The following AKAP17A variants were observed in gnomAD, a reference collection of about 807,000 sequenced individuals.
The protein encoded by AKAP17A is A-kinase anchoring protein 17A.
A neutral mutation model predicts 52.2 loss-of-function variants in AKAP17A; 15 were observed. That is an observed-to-expected ratio of 0.29 (90% CI 0.19 to 0.44). The LOEUF is 0.44. Among genes scored for constraint, AKAP17A ranks in the 20% least tolerant of loss-of-function variants. The probability of loss-of-function intolerance (pLI) is 1.00; values close to 1 mark genes in which losing one functional copy is unlikely to be tolerated. For missense variants in AKAP17A, 1,060 were observed against 1,007.0 expected (o/e 1.05, Z -0.71); for synonymous variants, 514 against 424.7 (o/e 1.21, Z -2.58).
Position 1,602,501 on chromosome X carries a change from C to T in AKAP17A, c.*907C>T, listed in dbSNP as rs1290959109. On this transcript the variant is annotated 3_prime_UTR_variant, in exon 5 of 5. Transcript: ENST00000313871. Reference sequence around the variant, plus strand: ...TTGCATTTTTATGGTGAAATAAAATCCTTTTCCAATGAACTAAAATTTTTC... The same window carrying T: ...TTGCATTTTTATGGTGAAATAAAATTCTTTTCCAATGAACTAAAATTTTTC... The T allele has an allele frequency of 6.6e-6, 1 of 152,142 alleles. No individual in the cohort carries two copies. The highest frequency in any genetic ancestry group is 1.5e-5 in the Non-Finnish European group (1 of 68,032). 9.4% of individuals were successfully genotyped at this position (152,142 alleles called of 1,614,324 possible). A position where few individuals can be genotyped will look rare whatever the true frequency, so the allele number is the denominator to read the frequency against.
At chrX:1,600,597 T>C in intron 4 of AKAP17A, 62 bp from the exon 5 acceptor site, 1 of 1,436,692 alleles carries the variant, frequency 7.0e-7, no homozygotes, top group Non-Finnish European at 9.3e-7. Flanking sequence ...TCCCAGCTCC[T>C]GTCCCACGTG....
Position 1,601,877 on chromosome X carries a change from T to C in AKAP17A, c.*283T>C, listed in dbSNP as rs867331338. On this transcript the variant is annotated 3_prime_UTR_variant, in exon 5 of 5. Coordinates refer to ENST00000313871, the MANE Select transcript of AKAP17A (RefSeq NM_005088.3). Reference sequence around the variant, plus strand: ...GCCGGTCCTCTCTCAGTCAGGAAAATTGCACAGACCGACAGTCGTGAGGAT... The same window carrying C: ...GCCGGTCCTCTCTCAGTCAGGAAAACTGCACAGACCGACAGTCGTGAGGAT... 2.4e-5 allele frequency: 9 copies of C among 371,252 alleles called. No individual in the cohort carries two copies. Among genetic ancestry groups the C allele is most frequent in the Middle Eastern group, 6.6e-4 (1 of 1,510 alleles). The allele number at this position is 371,252 out of a possible 1,614,324, so 23.0% of individuals were successfully genotyped here.
At position 1,594,076 on chromosome X, in the gene AKAP17A, A is replaced by G. The variant is rs1932892230; in HGVS notation, c.614A>G (p.His205Arg). ...GAGGAGATGACGGGCCGCAACTTCC[A>G]CACCTTCAGTTTCGGGGGGCACTTG... ...YREEMTGRNF[H>R]TFSFGGHLNF... Residue 205 changes from histidine to arginine, a missense_variant, in exon 2 of 5, where the codon CAC becomes CGC. Around this residue, in one of 2 missense-constraint regions of AKAP17A, gnomAD observed 267 missense variants for 377.1 expected, o/e 0.71. Coordinates refer to ENST00000313871, the MANE Select transcript of AKAP17A (RefSeq NM_005088.3). 6.2e-7 allele frequency: 1 copy of G among 1,613,380 alleles called. No homozygotes were observed. Among genetic ancestry groups the G allele is most frequent in the African/African-American group, 1.3e-5 (1 of 74,886 alleles).
chrX:1,595,490 G>T lies in AKAP17A; in HGVS notation c.869G>T (p.Arg290Leu). 2.5e-6 allele frequency: 4 copies of T among 1,614,018 alleles called. No homozygotes were observed. The highest frequency in any genetic ancestry group is 3.4e-6 in the Non-Finnish European group (4 of 1,179,876). ...ELEQQREEQK[R>L]REKEAEERQR... ...GAGCAGCAAAGAGAAGAACAAAAGC[G>T]CAGAGAGAAGGAAGCGGAGGAGAGG... The change falls in exon 3 of 5, where the codon CGC becomes CTC. Residue 290 changes from arginine (R) to leucine (L), a missense_variant. Arg to Leu is a moderately radical substitution (Grantham distance 102). Around this residue, in one of 2 missense-constraint regions of AKAP17A, gnomAD observed 793 missense variants for 629.9 expected, o/e 1.26. Transcript: ENST00000313871.
rs760363741 is a variant in AKAP17A, at chrX:1,601,389, C to T, written c.1883C>T (p.Ala628Val). 89 of 1,568,314 alleles carry T rather than the reference C, an allele frequency of 5.7e-5. No individual in the cohort carries two copies. The South Asian group carries it at 9.0e-4, about 16-fold the overall frequency. The change falls in exon 5 of 5, where the codon GCC (alanine) becomes GTC (valine). Residue 628 changes from alanine to valine, a missense_variant. By Grantham distance (64) the Ala-to-Val change is moderately conservative (BLOSUM62 0). Coordinates refer to ENST00000313871, the MANE Select transcript of AKAP17A (RefSeq NM_005088.3). ...GAGCGGCGGCCCCACAAGAAGCACG[C>T]CTACAAGGATGACAGCCCCCGCCGG... ...RKERRPHKKH[A>V]YKDDSPRRRS... is the part of the protein sequence containing the mutation.
chrX:1,595,595 C>G, intron 3 of AKAP17A, 63 bp downstream of exon 3: 2 of 1,601,916 alleles, frequency 1.2e-6, no homozygotes, highest in Non-Finnish European at 1.7e-6. Context: ...TGCGCAGACC[C>G]GTGTGCGTGT....
At chrX:1,600,637 T>A in intron 4 of AKAP17A, 22 bp from the exon 5 acceptor site, 3 of 1,517,000 alleles carry the variant, frequency 2.0e-6, no homozygotes, top group Non-Finnish European at 2.7e-6. Context: ...CGGGCTCAGC[T>A]GCACTTTCCT....
At chrX:1,593,391 T>C in intron 1 of AKAP17A, 53 bp from the exon 2 acceptor site, 1 of 1,539,496 alleles carries the variant, frequency 6.5e-7, no homozygotes, top group Non-Finnish European at 8.8e-7. Context: ...CCCTCCTCAT[T>C]GGCGGGGGAG....
chrX:1,598,571 G>C (rs1933153733), intron 3 of AKAP17A, among the ~76,000 whole-genome samples: 1 of 152,136 alleles, frequency 6.6e-6, no homozygotes, highest in Non-Finnish European at 1.5e-5. Context: ...GCTGAGCTAG[G>C]GAACTCCCCA....
intron 3 of AKAP17A, among the ~76,000 whole-genome samples, chrX:1,598,873 C>T (rs1298695070): frequency 2.0e-5 from 3 of 152,196 alleles, no homozygotes; most frequent in Non-Finnish European, 2.9e-5. Flanking sequence ...TTCACCCGTC[C>T]GTCTGCCCAT....
intron 3 of AKAP17A, among the ~76,000 whole-genome samples, chrX:1,597,609 G>C (rs1221170468): frequency 1.3e-5 from 2 of 151,934 alleles, no homozygotes; most frequent in East Asian, 3.9e-4. Context: ...GAATGTGCCT[G>C]TCCACATTCT....
chrX:1,593,758 A>G lies in AKAP17A; in HGVS notation c.296A>G (p.Lys99Arg), dbSNP rs761989270. 2.5e-6 allele frequency: 4 copies of G among 1,613,824 alleles called. No homozygotes were observed. The highest frequency in any genetic ancestry group is 1.7e-6 in the Non-Finnish European group (2 of 1,179,882). ...TCTTTTCTGGCCTGCCTGGACGGCA[A>G]GACCATCAAGCTCAGCGGCTTCTCC... The part of the protein sequence containing the change: ...VKSFLACLDG[K>R]TIKLSGFSDI... The change falls in exon 2 of 5, where the codon AAG becomes AGG. Residue 99 changes from lysine (K) to arginine (R), a missense_variant. Around this residue, in one of 2 missense-constraint regions of AKAP17A, gnomAD observed 267 missense variants for 377.1 expected, o/e 0.71. Transcript: ENST00000313871.
At chrX:1,599,932 C>T (rs1327032895) in intron 4 of AKAP17A, 7 of 502,482 alleles carry the variant, frequency 1.4e-5, no homozygotes, top group East Asian at 7.6e-5. Flanking sequence ...TCACCAGCGC[C>T]GGTACTGACG....
chrX:1,599,274 C>G lies in AKAP17A; in HGVS notation c.994C>G (p.Arg332Gly). ...CAAGAGGGAGCAGAAGCAGAGGGAC[C>G]GTGAGCTGCGCCGGAATCAGAAGAA... ...LRKREQKQRD[R>G]ELRRNQKKLE... is the part of the protein sequence containing the mutation. The change falls in exon 4 of 5, where the codon CGT (arginine) becomes GGT (glycine). Residue 332 changes from arginine (R) to glycine (G), a missense_variant. By Grantham distance (125) the Arg-to-Gly change is moderately radical (BLOSUM62 -2). This residue lies in a region of AKAP17A where 793 missense variants were observed against 629.9 expected (regional missense o/e 1.26). Transcript: ENST00000313871. 1.2e-6 allele frequency: 2 copies of G among 1,612,194 alleles called. No homozygotes were observed. The highest frequency in any genetic ancestry group is 1.7e-6 in the Non-Finnish European group (2 of 1,179,624).
chrX:1,601,907 G>A lies in AKAP17A; in HGVS notation c.*313G>A. ...CAGACCGACAGTCGTGAGGATGGCA[G>A]AGCTGCTGCATTCCCCCACACGGGG... On this transcript the variant is annotated 3_prime_UTR_variant, in exon 5 of 5. Coordinates refer to ENST00000313871, the MANE Select transcript of AKAP17A (RefSeq NM_005088.3). The A allele has an allele frequency of 3.0e-6, 1 of 334,690 alleles. No homozygotes were observed. 20.7% of individuals were successfully genotyped at this position (334,690 alleles called of 1,614,324 possible).
In AKAP17A at chrX:1,600,755, G is replaced by C. The variant is rs751413586; in HGVS notation, c.1249G>C (p.Val417Leu). The C allele has an allele frequency of 1.9e-6, 3 of 1,559,764 alleles. No individual in the cohort carries two copies. The highest frequency in any genetic ancestry group is 2.6e-6 in the Non-Finnish European group (3 of 1,156,798). ...RRLQEAELRR[V>L]EEEKERALGL... The stretch of plus-strand genomic sequence containing the variant: ...GCTGCAGGAGGCCGAGCTGCGGCGC[G>C]TGGAGGAGGAGAAGGAGCGCGCGCT... Residue 417 changes from valine to leucine, a missense_variant, in exon 5 of 5, where the codon GTG becomes CTG. Val to Leu is a conservative substitution (Grantham distance 32, BLOSUM62 1). Coordinates refer to ENST00000313871, the MANE Select transcript of AKAP17A (RefSeq NM_005088.3).
chrX:1,597,079 C>T (rs1418342046), intron 3 of AKAP17A, among the ~76,000 whole-genome samples: 6 of 152,182 alleles, frequency 3.9e-5, no homozygotes, highest in African/African-American at 1.4e-4. Context: ...CTGGTGGGAC[C>T]GAGTTGGTCC....
chrX:1,602,089 T>C lies in AKAP17A; in HGVS notation c.*495T>C, dbSNP rs1933419953. 1 of 156,290 alleles carries C rather than the reference T, an allele frequency of 6.4e-6. No individual in the cohort carries two copies. The highest frequency in any genetic ancestry group is 1.4e-5 in the Non-Finnish European group (1 of 71,046). 9.7% of individuals were successfully genotyped at this position (156,290 alleles called of 1,614,324 possible). A position where few individuals can be genotyped will look rare whatever the true frequency, so the allele number is the denominator to read the frequency against. ...ATCAGGAAGTGCAGTTTGGGTGGGATGCCGAATCGTCGTGCTGACATTGAG... is the reference window on the plus strand; with the variant it reads ...ATCAGGAAGTGCAGTTTGGGTGGGACGCCGAATCGTCGTGCTGACATTGAG... On this transcript the variant is annotated 3_prime_UTR_variant, in exon 5 of 5. Transcript: ENST00000313871.
chrX:1,596,501 C>G (rs1932991236), intron 3 of AKAP17A, among the ~76,000 whole-genome samples: 1 of 136,806 alleles, frequency 7.3e-6, no homozygotes, highest in East Asian at 2.2e-4. Context: ...TCCTCCATCC[C>G]TCCCACCCTC....
Sources: allele counts gnomAD v4.1 joint callset (sites outside exome capture counted in the v4.1 genomes callset), GRCh38; gene constraint gnomAD v4.1.1; regional missense constraint gnomAD v4.1.1; transcripts MANE v1.5; gene names NCBI Gene and HGNC (gene_info 2026-07-23, HGNC 2026-07-21).